The following CDK6 variants were observed in gnomAD, a reference collection of about 807,000 sequenced individuals.
CDK6 encodes cyclin dependent kinase 6.
A neutral mutation model predicts 37.1 loss-of-function variants in CDK6; 6 were observed. The ratio of observed to expected loss-of-function variants is 0.16; its 90% CI spans 0.09 to 0.32. The LOEUF (loss-of-function observed/expected upper bound fraction) is 0.32, where lower values mean the gene tolerates loss of function less well. Ranked by LOEUF, CDK6 falls within the 10% of genes least tolerant of loss-of-function variation. The probability of loss-of-function intolerance (pLI) is 1.00; values close to 1 mark genes in which losing one functional copy is unlikely to be tolerated. For synonymous variants in CDK6, 160 were observed against 161.3 expected (o/e 0.99, Z 0.06); for missense variants, 224 against 418.9 (o/e 0.53, Z 4.06).
At chr7:92,824,682 A>G (rs527396174) in intron 2 of CDK6, among the ~76,000 whole-genome samples, 5 of 152,298 alleles carry the variant, frequency 3.3e-5, no homozygotes, top group African/African-American at 1.2e-4. Flanking sequence ...ACCAATCAGT[A>G]ATACAGATAT....
chr7:92,659,046 C>T (rs1796774126), intron 5 of CDK6, among the ~76,000 whole-genome samples: 1 of 152,208 alleles, frequency 6.6e-6, no homozygotes, highest in Non-Finnish European at 1.5e-5. Flanking sequence ...GCAAGGGCCC[C>T]AACATCTATA....
intron 2 of CDK6, among the ~76,000 whole-genome samples, chr7:92,798,389 T>G (rs566438044): frequency 1.3e-5 from 2 of 152,316 alleles, no homozygotes; most frequent in African/African-American, 4.8e-5. Flanking sequence ...AATGTCAAAA[T>G]GCTTTATCAA....
intron 3 of CDK6, among the ~76,000 whole-genome samples, chr7:92,768,513 A>G (rs1187174943): frequency 6.6e-6 from 1 of 152,218 alleles, no homozygotes; most frequent in Admixed American, 6.5e-5. Context: ...TCCTGTTACT[A>G]TGAAAAGTAG....
At chr7:92,829,434 A>G (rs1801420602) in intron 2 of CDK6, among the ~76,000 whole-genome samples, 1 of 152,208 alleles carries the variant, frequency 6.6e-6, no homozygotes, top group Non-Finnish European at 1.5e-5. Flanking sequence ...ACTGGCTTGT[A>G]TCTTTCTTAC....
At chr7:92,622,527 A>C (rs1795826001) in intron 6 of CDK6, among the ~76,000 whole-genome samples, 1 of 152,166 alleles carries the variant, frequency 6.6e-6, no homozygotes, top group South Asian at 2.1e-4. Context: ...TATTTTGCCA[A>C]AGACTTAGGG....
intron 3 of CDK6, among the ~76,000 whole-genome samples, chr7:92,771,417 G>T (rs1314468299): frequency 6.6e-6 from 1 of 151,882 alleles, no homozygotes; most frequent in Non-Finnish European, 1.5e-5. Flanking sequence ...GCAAGACAAT[G>T]TCAATATTAA....
intron 4 of CDK6, among the ~76,000 whole-genome samples, chr7:92,680,866 C>T (rs1797319700): frequency 6.6e-6 from 1 of 152,214 alleles, no homozygotes; most frequent in African/African-American, 2.4e-5. Context: ...AAAGCCTTTC[C>T]TGATCTCCCA....
chr7:92,786,671 T>C (rs1364797192), intron 2 of CDK6, among the ~76,000 whole-genome samples: 1 of 149,004 alleles, frequency 6.7e-6, no homozygotes, highest in Non-Finnish European at 1.5e-5. Flanking sequence ...AATCTGGCTC[T>C]GTGTGTGTAT....
In CDK6 at chr7:92,778,643, G is replaced by C. The variant is rs191284877; in HGVS notation, c.234-3812C>G. Among the ~76,000 whole-genome samples, 441 of 152,052 alleles carry C rather than the reference G, an allele frequency of 2.9e-3. 2 individuals carry two copies. Among genetic ancestry groups the C allele is most frequent in the African/African-American group, 0.01 (420 of 41,500 alleles). On this transcript the variant is annotated intron_variant, in intron 2 of 7. Coordinates refer to ENST00000424848, the MANE Select transcript of CDK6 (RefSeq NM_001145306.2). ...TCACTCTTTTCTTCCTATTGAAAAA[G>C]AAAATGGAGTTCCACAATCCCCAAC...
chr7:92,722,602 T>C (rs1022254473), intron 4 of CDK6, among the ~76,000 whole-genome samples: 3 of 152,216 alleles, frequency 2.0e-5, no homozygotes, highest in Non-Finnish European at 2.9e-5. Flanking sequence ...TTAAGGTATA[T>C]GGAGTAAGTC....
At chr7:92,780,517 T>G (rs1416332661) in intron 2 of CDK6, among the ~76,000 whole-genome samples, 1 of 151,698 alleles carries the variant, frequency 6.6e-6, no homozygotes, top group Non-Finnish European at 1.5e-5. Context: ...TCCTAGCACT[T>G]TGGGAGCCCG....
rs558738628 is a variant in CDK6 at position 92,615,405 on chromosome 7, A to T, written c.835-119T>A. 9.2e-6 allele frequency: 7 copies of T among 761,918 alleles called. No homozygotes were observed. The Admixed American group carries it at 1.7e-4, about 19-fold the overall frequency. 47.2% of individuals were successfully genotyped at this position (761,918 alleles called of 1,614,324 possible). A position where few individuals can be genotyped will look rare whatever the true frequency, so the allele number is the denominator to read the frequency against. On this transcript the variant is annotated intron_variant, in intron 7 of 7. Transcript: ENST00000424848. The stretch of plus-strand genomic sequence containing the variant: ...AAGCGCATCTACAGTGGGAATGAGT[A>T]TTTATTTAAAGGGACACTAAATAAT...
At chr7:92,688,225 G>A (rs982527398) in intron 4 of CDK6, among the ~76,000 whole-genome samples, 1 of 152,148 alleles carries the variant, frequency 6.6e-6, no homozygotes, top group Admixed American at 6.6e-5. Flanking sequence ...ATGTATGAGA[G>A]TTACAGTTTC....
chr7:92,718,719 G>A (rs908358522), intron 4 of CDK6, among the ~76,000 whole-genome samples: 3 of 152,166 alleles, frequency 2.0e-5, no homozygotes, highest in Non-Finnish European at 2.9e-5. Context: ...GGGTAAGGAG[G>A]GAGGGCTTCC....
chr7:92,815,169 T>C (rs1440200095), intron 2 of CDK6, among the ~76,000 whole-genome samples: 1 of 152,214 alleles, frequency 6.6e-6, no homozygotes, highest in East Asian at 1.9e-4. Flanking sequence ...AGCATTCCTA[T>C]TGCCATCCCT....
intron 2 of CDK6, among the ~76,000 whole-genome samples, chr7:92,802,062 C>T (rs375396951): frequency 2.1e-5 from 3 of 144,202 alleles, no homozygotes; most frequent in South Asian, 2.4e-4. Flanking sequence ...GGGGAACAAG[C>T]GCAATTTTGC....
Position 92,821,210 on chromosome 7 carries a change from T to C in CDK6, c.233+11881A>G, listed in dbSNP as rs545156377. Among the ~76,000 whole-genome samples, 4 of 152,158 alleles carry C rather than the reference T, an allele frequency of 2.6e-5. No individual in the cohort carries two copies. The South Asian group carries it at 8.3e-4, about 32-fold the overall frequency. ...CCAGGCCACCTGGTGTAGGTCAGTG[T>C]AGGTGCTCTGCTCAAAAACCTGAGT... On this transcript the variant is annotated intron_variant, in intron 2 of 7. Coordinates refer to ENST00000424848, the MANE Select transcript of CDK6 (RefSeq NM_001145306.2).
intron 4 of CDK6, among the ~76,000 whole-genome samples, chr7:92,689,029 G>C (rs964177243): frequency 1.1e-4 from 16 of 152,110 alleles, no homozygotes; most frequent in African/African-American, 3.9e-4. Context: ...CTCTGAATTA[G>C]TGTAGGAATT....
chr7:92,712,882 T>TATGTATG (rs1225119870), intron 4 of CDK6, among the ~76,000 whole-genome samples: 1 of 123,666 alleles, frequency 8.1e-6, no homozygotes, highest in Admixed American at 8.1e-5. Flanking sequence ...ATGTATGTAT[T>TATGTATG]TATTTATTTG....
Sources: gnomAD v4.1 joint callset for allele counts (sites outside exome capture counted in the v4.1 genomes callset) on GRCh38, gnomAD v4.1.1 for gene constraint, MANE v1.5 for transcripts, NCBI Gene and HGNC (gene_info 2026-07-23, HGNC 2026-07-21) for gene names.